Variants in DIS3L2 observed in about 807,000 individuals in gnomAD.
The protein encoded by DIS3L2 is DIS3 like 3'-5' exoribonuclease 2.
DIS3L2 carries 34 observed loss-of-function variants against 97.5 expected under a neutral mutation model. The observed-to-expected ratio is 0.35, with a 90% confidence interval of 0.27 to 0.46. The LOEUF is 0.46. DIS3L2 is among the 20% of genes least tolerant of loss of function. The probability of loss-of-function intolerance (pLI) is 1.00; values close to 1 mark genes in which losing one functional copy is unlikely to be tolerated. For missense variants in DIS3L2, 1,038 were observed against 1,146.0 expected, an observed-to-expected ratio of 0.91 and a Z score of 1.36; for synonymous variants, 435 against 445.2, an observed-to-expected ratio of 0.98 and a Z score of 0.29.
chr2:232,312,333 T>G (rs1487967158), intron 14 of DIS3L2, among the ~76,000 whole-genome samples: 1 of 152,226 alleles, frequency 6.6e-6, no homozygotes, highest in African/African-American at 2.4e-5. Flanking sequence ...TTCATATGGG[T>G]ATCTGTTGAC....
intron 1 of DIS3L2, among the ~76,000 whole-genome samples, chr2:231,970,888 A>G (rs1289243182): frequency 6.6e-6 from 1 of 152,230 alleles, no homozygotes; most frequent in African/African-American, 2.4e-5. Flanking sequence ...GCTGTACAAA[A>G]ATACTCTATG....
chr2:232,082,965 G>A (rs1574860366), intron 5 of DIS3L2, among the ~76,000 whole-genome samples: 8 of 152,224 alleles, frequency 5.3e-5, no homozygotes, highest in Middle Eastern at 3.4e-3. Context: ...TTCACATGGC[G>A]GCCTACAAAG....
intron 13 of DIS3L2, among the ~76,000 whole-genome samples, chr2:232,285,490 C>T (rs1694402095): frequency 6.6e-6 from 1 of 152,236 alleles, no homozygotes; most frequent in Admixed American, 6.5e-5. Flanking sequence ...GGCTGACATT[C>T]TTAATGCCAT....
At chr2:232,033,285 T>C (rs1450134988) in intron 5 of DIS3L2, among the ~76,000 whole-genome samples, 2 of 152,108 alleles carry the variant, frequency 1.3e-5, no homozygotes, top group African/African-American at 4.8e-5. Flanking sequence ...CCATTATTGG[T>C]GTATAGGAAC....
intron 1 of DIS3L2, among the ~76,000 whole-genome samples, chr2:231,991,314 C>G (rs1693581257): frequency 6.6e-6 from 1 of 152,092 alleles, no homozygotes; most frequent in African/African-American, 2.4e-5. Context: ...ACCCTGTCTC[C>G]TAGGCTGGAG....
At chr2:232,009,759 G>A (rs1446007336) in intron 1 of DIS3L2, among the ~76,000 whole-genome samples, 1 of 152,130 alleles carries the variant, frequency 6.6e-6, no homozygotes, top group East Asian at 1.9e-4. Flanking sequence ...CAGTCTTCCA[G>A]ACCAGCAGGA....
At chr2:232,124,565 A>T (rs1698001623) in intron 6 of DIS3L2, among the ~76,000 whole-genome samples, 1 of 152,132 alleles carries the variant, frequency 6.6e-6, no homozygotes, top group Non-Finnish European at 1.5e-5. Context: ...CAAATAGAAA[A>T]TGCAGAGGAG....
chr2:232,052,652 G>C (rs1027483531), intron 5 of DIS3L2, among the ~76,000 whole-genome samples: 1 of 152,140 alleles, frequency 6.6e-6, no homozygotes, highest in Admixed American at 6.5e-5. Flanking sequence ...TTTATACACA[G>C]TTTCCTTTGC....
At chr2:231,987,558 G>T (rs1281625396) in intron 1 of DIS3L2, among the ~76,000 whole-genome samples, 3 of 152,214 alleles carry the variant, frequency 2.0e-5, no homozygotes, top group Non-Finnish European at 4.4e-5. Flanking sequence ...TAATCCCAAG[G>T]CTAGGAACTT....
chr2:232,004,413 T>C (rs1232166777), intron 1 of DIS3L2, among the ~76,000 whole-genome samples: 1 of 152,128 alleles, frequency 6.6e-6, no homozygotes, highest in African/African-American at 2.4e-5. Flanking sequence ...TGTAAGTCCA[T>C]AATACTTTAT....
chr2:232,013,315 T>C (rs1694263626), intron 1 of DIS3L2, among the ~76,000 whole-genome samples: 1 of 152,240 alleles, frequency 6.6e-6, no homozygotes, highest in African/African-American at 2.4e-5. Context: ...TGTTTTTCTC[T>C]TCTGCTCATT....
At chr2:232,181,939 A>C (rs1464126143) in intron 9 of DIS3L2, among the ~76,000 whole-genome samples, 1 of 152,138 alleles carries the variant, frequency 6.6e-6, no homozygotes, top group African/African-American at 2.4e-5. Context: ...GGCGTGAGCC[A>C]CCGTGCCCGG....
intron 1 of DIS3L2, among the ~76,000 whole-genome samples, chr2:231,976,207 T>G (rs1317429699): frequency 6.6e-6 from 1 of 151,718 alleles, no homozygotes; most frequent in Non-Finnish European, 1.5e-5. Flanking sequence ...TACAACTCTT[T>G]TCTATTTAAC....
intron 1 of DIS3L2, among the ~76,000 whole-genome samples, chr2:232,002,174 A>G (rs2106205234): frequency 6.6e-6 from 1 of 152,258 alleles, no homozygotes; most frequent in South Asian, 2.1e-4. Flanking sequence ...TTGAGGGCCA[A>G]TTGATAGTAA....
intron 14 of DIS3L2, among the ~76,000 whole-genome samples, chr2:232,306,476 A>G (rs1295829038): frequency 6.6e-6 from 1 of 152,154 alleles, no homozygotes; most frequent in Non-Finnish European, 1.5e-5. Flanking sequence ...TTTCACTTCA[A>G]GCATCTGAGA....
chr2:232,077,097 T>G (rs927930816), intron 5 of DIS3L2, among the ~76,000 whole-genome samples: 1 of 152,164 alleles, frequency 6.6e-6, no homozygotes, highest in Non-Finnish European at 1.5e-5. Flanking sequence ...GAGCCTCTCA[T>G]AGCTGCCCCT....
At chr2:232,002,706 G>A (rs954206911) in intron 1 of DIS3L2, among the ~76,000 whole-genome samples, 14 of 152,138 alleles carry the variant, frequency 9.2e-5, no homozygotes, top group African/African-American at 3.4e-4. Context: ...GGCATATTAA[G>A]TGAAGTGTTA....
At chr2:232,311,272 T>A (rs1695124911) in intron 14 of DIS3L2, among the ~76,000 whole-genome samples, 1 of 152,272 alleles carries the variant, frequency 6.6e-6, no homozygotes, top group Admixed American at 6.5e-5. Flanking sequence ...TTATGCATTC[T>A]GCTATTTTTT....
chr2:232,290,066 G>A (rs915923810), intron 13 of DIS3L2, among the ~76,000 whole-genome samples: 3 of 152,184 alleles, frequency 2.0e-5, no homozygotes, highest in African/African-American at 4.8e-5. Flanking sequence ...GCATTCCTTC[G>A]ACAGTAGTTG....
Sources: gnomAD v4.1 joint callset for allele counts (sites outside exome capture counted in the v4.1 genomes callset) on GRCh38, gnomAD v4.1.1 for gene constraint, MANE v1.5 for transcripts, NCBI Gene and HGNC (gene_info 2026-07-23, HGNC 2026-07-21) for gene names.